Variants in RAB31 observed in about 807,000 individuals in gnomAD.
The protein encoded by RAB31 is RAB31, member RAS oncogene family, also known as ras-related protein Rab-31.
In RAB31, 21 loss-of-function variants were observed where a neutral mutation model predicts 25.6. The ratio of observed to expected loss-of-function variants is 0.82; its 90% CI spans 0.58 to 1.18. The LOEUF is 1.18. Ranked by LOEUF, RAB31 falls within the 50% of genes most tolerant of loss-of-function variation. The probability of loss-of-function intolerance (pLI) is 0.00; values close to 1 mark genes in which losing one functional copy is unlikely to be tolerated. For synonymous variants in RAB31, 87 were observed against 84.0 expected, an observed-to-expected ratio of 1.04 and a Z score of -0.20; for missense variants, 196 against 250.1, an observed-to-expected ratio of 0.78 and a Z score of 1.46.
chr18:9,737,510 C>T (rs78825169), intron 1 of RAB31, among the ~76,000 whole-genome samples: 2,357 of 152,218 alleles, frequency 0.015, 94 homozygotes, highest in South Asian at 0.14. Context: ...ATTTGTTTTC[C>T]ATACACTGCT....
intron 1 of RAB31, among the ~76,000 whole-genome samples, chr18:9,769,737 T>A (rs1240969060): frequency 1.3e-5 from 2 of 151,972 alleles, no homozygotes; most frequent in African/African-American, 4.8e-5. Context: ...TGAATAGGAG[T>A]GGTGAGAGAG....
intron 6 of RAB31, among the ~76,000 whole-genome samples, chr18:9,851,101 TAGTC>T (rs1466949777): frequency 6.6e-6 from 1 of 152,170 alleles, no homozygotes; most frequent in Non-Finnish European, 1.5e-5. Context: ...GATTTTATAA[TAGTC>T]AGCAAGCTGT....
rs1227339814 is a variant in RAB31 at position 9,719,318 on chromosome 18, TATATATATATAAATAA to T, written c.39+10878_39+10893del. Among the ~76,000 whole-genome samples, 131 of 71,844 alleles carry T rather than the reference TATATATATATAAATAA, an allele frequency of 1.8e-3. 7 individuals carry two copies. The highest frequency in any genetic ancestry group is 6.0e-3 in the South Asian group (12 of 1,996). The allele number at this position is 71,844 out of a possible 152,430, so 47.1% of individuals were successfully genotyped here. ...AAAAAAATATATATATATATATATA[TATATATATATAAATAA>T]ATAAATTTGATCTAATTATGAGGGA... On this transcript the variant is annotated intron_variant, in intron 1 of 6. Transcript: ENST00000578921.
At chr18:9,732,609 A>C (rs760191935) in intron 1 of RAB31, among the ~76,000 whole-genome samples, 7 of 152,140 alleles carry the variant, frequency 4.6e-5, no homozygotes, top group Admixed American at 3.3e-4. Context: ...ACCTCTCCCT[A>C]GTGCTTGGTG....
At chr18:9,749,249 T>G (rs4798846) in intron 1 of RAB31, among the ~76,000 whole-genome samples, 2 of 152,066 alleles carry the variant, frequency 1.3e-5, no homozygotes, top group Admixed American at 1.3e-4. Flanking sequence ...GTGCCAGCAC[T>G]GTTCTAACTG....
chr18:9,844,035 G>A (rs2068748184), intron 5 of RAB31, among the ~76,000 whole-genome samples: 1 of 152,228 alleles, frequency 6.6e-6, no homozygotes, highest in South Asian at 2.1e-4. Flanking sequence ...TTTTGATTTT[G>A]TGTCTTCCTT....
Position 9,728,641 on chromosome 18 carries a change from G to A in RAB31, c.39+20197G>A, listed in dbSNP as rs202152159. Among the ~76,000 whole-genome samples, 278 of 152,178 alleles carry A rather than the reference G, an allele frequency of 1.8e-3. 3 individuals are homozygous for A. In the East Asian group the frequency reaches 0.025, roughly 14 times the overall value. ...CAACCTCTGCCTCCCAGGTTCTAGC[G>A]ATTCTCATGCCTCAGCCTACCGAGT... is the stretch of plus-strand genomic sequence containing the variant. On this transcript the variant is annotated intron_variant, in intron 1 of 6. Transcript: ENST00000578921.
At position 9,859,557 on chromosome 18, in the gene RAB31, T is replaced by A; in HGVS notation, c.*232T>A. On this transcript the variant is annotated 3_prime_UTR_variant, in exon 7 of 7. Transcript: ENST00000578921. Reference sequence around the variant, plus strand: ...ACAAAATGGCCTTTAGTGTATGAAATGCACATGGAGGGGATGTAGTTGCAT... The same window carrying A: ...ACAAAATGGCCTTTAGTGTATGAAAAGCACATGGAGGGGATGTAGTTGCAT... The A allele has an allele frequency of 2.6e-6, 1 of 384,332 alleles. No homozygotes were observed. Among genetic ancestry groups the A allele is most frequent in the Non-Finnish European group, 4.6e-6 (1 of 218,224 alleles). The allele number at this position is 384,332 out of a possible 1,614,324, so 23.8% of individuals were successfully genotyped here. A position where few individuals can be genotyped will look rare whatever the true frequency, so the allele number is the denominator to read the frequency against.
At chr18:9,750,606 T>C (rs1053339915) in intron 1 of RAB31, among the ~76,000 whole-genome samples, 3 of 152,090 alleles carry the variant, frequency 2.0e-5, no homozygotes, top group Admixed American at 2.0e-4. Flanking sequence ...TTTGTGCCAG[T>C]TTGGATAAGA....
chr18:9,732,982 T>G (rs1360408534), intron 1 of RAB31, among the ~76,000 whole-genome samples: 1 of 152,194 alleles, frequency 6.6e-6, no homozygotes, highest in Non-Finnish European at 1.5e-5. Flanking sequence ...AGGGAAGCAA[T>G]GGTGATGAGC....
chr18:9,848,548 A>G (rs371822228), intron 6 of RAB31, among the ~76,000 whole-genome samples: 1 of 152,342 alleles, frequency 6.6e-6, no homozygotes, highest in East Asian at 1.9e-4. Context: ...TTAAAACACA[A>G]TTCCAAGTAC....
At chr18:9,744,650 G>A (rs1254560108) in intron 1 of RAB31, among the ~76,000 whole-genome samples, 3 of 152,156 alleles carry the variant, frequency 2.0e-5, no homozygotes, top group African/African-American at 7.2e-5. Context: ...GCAAAAAGCA[G>A]AATGAATTAA....
intron 1 of RAB31, among the ~76,000 whole-genome samples, chr18:9,729,356 T>C (rs929305681): frequency 6.6e-6 from 1 of 151,926 alleles, no homozygotes; most frequent in Non-Finnish European, 1.5e-5. Flanking sequence ...TGAAACCCCA[T>C]CTGTACTAAA....
intron 5 of RAB31, among the ~76,000 whole-genome samples, chr18:9,833,856 G>A (rs534132395): frequency 6.6e-6 from 1 of 152,186 alleles, no homozygotes; most frequent in Non-Finnish European, 1.5e-5. Flanking sequence ...GTGTCATAAA[G>A]TTCTTTGTCT....
Position 9,766,438 on chromosome 18 carries a change from C to A in RAB31, c.40-8840C>A, listed in dbSNP as rs146129328. ...GCCTGGCAGGCGGGGTGGGCTGAGG[C>A]GGGCGGGTGGGGTGTGTATGCTGGT... On this transcript the variant is annotated intron_variant, in intron 1 of 6. Coordinates refer to ENST00000578921, the MANE Select transcript of RAB31 (RefSeq NM_006868.4). This position sits in a 1 kb window ranked among gnomAD's most constrained non-coding sequence, Gnocchi z 4.3. 5.8e-3 allele frequency among the ~76,000 whole-genome samples: 828 copies of A among 143,722 alleles called. 11 individuals carry two copies. Among genetic ancestry groups the A allele is most frequent in the African/African-American group, 0.019 (781 of 40,322 alleles). 94.3% of individuals were successfully genotyped at this position (143,722 alleles called of 152,430 possible). A position where few individuals can be genotyped will look rare whatever the true frequency, so the allele number is the denominator to read the frequency against.
intron 2 of RAB31, among the ~76,000 whole-genome samples, chr18:9,783,010 G>A (rs2068413011): frequency 6.6e-6 from 1 of 152,128 alleles, no homozygotes; most frequent in South Asian, 2.1e-4. Context: ...ACAAAAAAAA[G>A]CAATGATTGT....
chr18:9,719,269 C>CAAAAAAAAAAA (rs56291796), intron 1 of RAB31, among the ~76,000 whole-genome samples: 2 of 21,446 alleles, frequency 9.3e-5, no homozygotes, highest in Non-Finnish European at 1.3e-4. Context: ...GACTCTGTCT[C>CAAAAAAAAAAA]AAAAAAAAAA....
Position 9,814,043 on chromosome 18 carries a change from C to T in RAB31, c.225C>T (p.Tyr75=). Residue 75 remains tyrosine (Y), a synonymous_variant, in exon 4 of 7, where the codon TAC becomes TAT. Coordinates refer to ENST00000578921, the MANE Select transcript of RAB31 (RefSeq NM_006868.4). ...AGTTTCATTCATTGGCTCCCATGTA[C>T]TATCGAGGCTCAGCTGCAGCTGTTA... ...QERFHSLAPM[Y]YRGSAAAVIV... 1 of 1,594,310 alleles carries T rather than the reference C, an allele frequency of 6.3e-7. No homozygotes were observed. The highest frequency in any genetic ancestry group is 1.1e-5 in the South Asian group (1 of 88,230).
chr18:9,718,319 G>T (rs1381517856), intron 1 of RAB31, among the ~76,000 whole-genome samples: 1 of 152,198 alleles, frequency 6.6e-6, no homozygotes, highest in Admixed American at 6.5e-5. Context: ...GAGTGCAGTG[G>T]TGTGATCTCG....
Sources: gnomAD v4.1 joint callset for allele counts (sites outside exome capture counted in the v4.1 genomes callset) on GRCh38, gnomAD v4.1.1 for gene constraint, Gnocchi (gnomAD v3.1) non-coding constraint, MANE v1.5 for transcripts, NCBI Gene and HGNC (gene_info 2026-07-23, HGNC 2026-07-21) for gene names.